Variants in RALYL observed in about 807,000 individuals in gnomAD.
The protein encoded by RALYL is RNA-binding Raly-like protein.
RALYL carries 29 observed loss-of-function variants against 35.1 expected under a neutral mutation model. The ratio of observed to expected loss-of-function variants is 0.83; its 90% CI spans 0.61 to 1.13. RALYL has a LOEUF of 1.13. Among genes scored for constraint, RALYL ranks in the 50% most tolerant of loss-of-function variants. RALYL has a pLI of 0.00. For synonymous variants in RALYL, 120 were observed against 127.6 expected (o/e 0.94, Z 0.40); for missense variants, 359 against 360.4 (o/e 1.00, Z 0.03).
intron 1 of RALYL, among the ~76,000 whole-genome samples, chr8:84,433,505 C>G (rs2047361923): frequency 1.3e-5 from 2 of 152,082 alleles, no homozygotes; most frequent in South Asian, 4.1e-4. Context: ...AGAATTCCCA[C>G]ATGTTGCGGG....
intron 1 of RALYL, among the ~76,000 whole-genome samples, chr8:84,247,103 C>G (rs1020957548): frequency 6.6e-6 from 1 of 152,112 alleles, no homozygotes; most frequent in African/African-American, 2.4e-5. Flanking sequence ...TTATCCAAAT[C>G]ACGATGGTGA....
At chr8:84,241,555 A>G (rs1827883446) in intron 1 of RALYL, among the ~76,000 whole-genome samples, 1 of 151,996 alleles carries the variant, frequency 6.6e-6, no homozygotes, top group South Asian at 2.1e-4. Flanking sequence ...AGGCAGGCAG[A>G]TCACGAGGTC....
chr8:84,827,560 CT>C (rs1484216098), intron 4 of RALYL, among the ~76,000 whole-genome samples: 1 of 152,038 alleles, frequency 6.6e-6, no homozygotes, highest in Non-Finnish European at 1.5e-5. Context: ...CTGACTTCAA[CT>C]TTTAAAATAA....
chr8:84,482,242 T>C (rs902286328), intron 1 of RALYL, among the ~76,000 whole-genome samples: 4 of 152,052 alleles, frequency 2.6e-5, no homozygotes, highest in African/African-American at 9.7e-5. Flanking sequence ...CAAATGAGGA[T>C]AAAGACAATA....
At chr8:84,874,965 G>A (rs972118197) in intron 7 of RALYL, among the ~76,000 whole-genome samples, 1 of 152,068 alleles carries the variant, frequency 6.6e-6, no homozygotes, top group Non-Finnish European at 1.5e-5. Context: ...CTAGCACATG[G>A]TCAACTCACA....
chr8:84,626,859 G>C (rs1822838117), intron 2 of RALYL, among the ~76,000 whole-genome samples: 2 of 152,150 alleles, frequency 1.3e-5, no homozygotes, highest in South Asian at 2.1e-4. Flanking sequence ...TTTTAGAAGA[G>C]AGTAACAATA....
chr8:84,637,059 T>C (rs1007413166), intron 2 of RALYL, among the ~76,000 whole-genome samples: 1 of 151,930 alleles, frequency 6.6e-6, no homozygotes, highest in African/African-American at 2.4e-5. Context: ...TCAGAAAATA[T>C]ACATACAGTT....
At chr8:84,670,955 T>C (rs1833091171) in intron 2 of RALYL, among the ~76,000 whole-genome samples, 1 of 152,118 alleles carries the variant, frequency 6.6e-6, no homozygotes, top group African/African-American at 2.4e-5. Context: ...CAGTTCAAAG[T>C]CTCATCTGAG....
chr8:84,726,777 A>C (rs1845042990), intron 2 of RALYL, among the ~76,000 whole-genome samples: 1 of 151,988 alleles, frequency 6.6e-6, no homozygotes, highest in Admixed American at 6.6e-5. Context: ...GAGAGCATTA[A>C]ATTCACCAAT....
At chr8:84,481,945 A>G (rs531257648) in intron 1 of RALYL, among the ~76,000 whole-genome samples, 3 of 152,242 alleles carry the variant, frequency 2.0e-5, no homozygotes, top group African/African-American at 7.2e-5. Flanking sequence ...TGAGTGTTAT[A>G]TATTTTAATG....
chr8:84,787,824 T>C (rs1049879561), intron 3 of RALYL, among the ~76,000 whole-genome samples: 1 of 152,242 alleles, frequency 6.6e-6, no homozygotes, highest in African/African-American at 2.4e-5. Context: ...TGTCTTCTTT[T>C]GAGAAGTGTC....
intron 2 of RALYL, among the ~76,000 whole-genome samples, chr8:84,767,729 G>A (rs1814460814): frequency 6.6e-6 from 1 of 152,130 alleles, no homozygotes; most frequent in Admixed American, 6.6e-5. Context: ...GTGATGTGTA[G>A]TGCACCCAAA....
intron 2 of RALYL, among the ~76,000 whole-genome samples, chr8:84,581,564 T>C (rs752607654): frequency 7.9e-5 from 12 of 152,206 alleles, no homozygotes; most frequent in Non-Finnish European, 1.5e-4. Flanking sequence ...AATTGTTAGC[T>C]TTAAGTATCT....
chr8:84,601,742 G>T (rs1328192848), intron 2 of RALYL, among the ~76,000 whole-genome samples: 1 of 151,976 alleles, frequency 6.6e-6, no homozygotes, highest in Non-Finnish European at 1.5e-5. Context: ...CTAAAGCCCT[G>T]ATGGTTTAAG....
At chr8:84,634,955 T>C (rs1293454666) in intron 2 of RALYL, among the ~76,000 whole-genome samples, 3 of 151,800 alleles carry the variant, frequency 2.0e-5, no homozygotes, top group Non-Finnish European at 4.4e-5. Flanking sequence ...ATTCTAGTTC[T>C]GACCTTGAAA....
rs576869222 is a variant in RALYL at position 84,528,161 on chromosome 8, A to C, written c.-23-1138A>C. On this transcript the variant is annotated intron_variant, in intron 1 of 8. Transcript: ENST00000521268. Reference sequence around the variant, plus strand: ...GCTGTAATATTTTAAGAGAGCCTTCATATAAAAATATAGTTGTCACTGACA... The same window carrying C: ...GCTGTAATATTTTAAGAGAGCCTTCCTATAAAAATATAGTTGTCACTGACA... Among the ~76,000 whole-genome samples the C allele has an allele frequency of 1.8e-4, 28 of 152,294 alleles. No individual in the cohort carries two copies. In the South Asian group the frequency reaches 5.4e-3, roughly 29 times the overall value.
intron 2 of RALYL, among the ~76,000 whole-genome samples, chr8:84,565,604 G>A (rs150281078): frequency 3.3e-5 from 5 of 151,626 alleles, no homozygotes; most frequent in African/African-American, 7.2e-5. Context: ...TAAACAATAG[G>A]ATTATTAGTT....
chr8:84,212,068 C>A (rs943721598), intron 1 of RALYL, among the ~76,000 whole-genome samples: 3 of 152,092 alleles, frequency 2.0e-5, no homozygotes, highest in Non-Finnish European at 2.9e-5. Flanking sequence ...GTGTTCTTAA[C>A]AATTGTGAAT....
intron 8 of RALYL, among the ~76,000 whole-genome samples, chr8:84,915,447 G>A (rs113352293): frequency 0.022 from 3,315 of 152,038 alleles, 127 homozygotes; most frequent in African/African-American, 0.075. Context: ...CTTACTGATC[G>A]TCATACTCTC....
Sources: gnomAD v4.1 joint callset for allele counts (sites outside exome capture counted in the v4.1 genomes callset) on GRCh38, gnomAD v4.1.1 for gene constraint, MANE v1.5 for transcripts, NCBI Gene and HGNC (gene_info 2026-07-23, HGNC 2026-07-21) for gene names.